The following FNBP1 variants were observed in gnomAD, a reference collection of about 807,000 sequenced individuals.
FNBP1 encodes the protein formin binding protein 1, also known as formin-binding protein 1.
Under a neutral mutation model 90.6 loss-of-function variants are expected in FNBP1, and 26 were observed. The ratio of observed to expected loss-of-function variants is 0.29; its 90% CI spans 0.21 to 0.40. The LOEUF is 0.40. Ranked by LOEUF, FNBP1 falls within the 10% of genes least tolerant of loss-of-function variation. The pLI, the probability that FNBP1 is intolerant of heterozygous loss-of-function variation, is 1.00. For synonymous variants in FNBP1, 260 were observed against 265.2 expected, an observed-to-expected ratio of 0.98 and a Z score of 0.19; for missense variants, 635 against 768.0, an observed-to-expected ratio of 0.83 and a Z score of 2.05.
chr9:130,039,716 G>A (rs1419164525), intron 1 of FNBP1, among the ~76,000 whole-genome samples: 1 of 151,526 alleles, frequency 6.6e-6, no homozygotes, highest in Non-Finnish European at 1.5e-5. Context: ...CTATGGAGGG[G>A]TTAAAGAAAA....
intron 10 of FNBP1, among the ~76,000 whole-genome samples, chr9:129,916,871 C>T (rs1355566799): frequency 6.6e-6 from 1 of 152,174 alleles, no homozygotes; most frequent in Non-Finnish European, 1.5e-5. Flanking sequence ...CCCAGAATGC[C>T]TCTCGCAGCC....
chr9:130,027,263 G>A (rs1398442104), intron 1 of FNBP1, among the ~76,000 whole-genome samples: 1 of 152,112 alleles, frequency 6.6e-6, no homozygotes, highest in Non-Finnish European at 1.5e-5. Flanking sequence ...TATGGAGTTT[G>A]CATTATGAAG....
chr9:129,892,303 A>G (rs770691142), intron 16 of FNBP1, among the ~76,000 whole-genome samples: 7 of 151,796 alleles, frequency 4.6e-5, no homozygotes, highest in Non-Finnish European at 8.8e-5. Flanking sequence ...TCACAATCCA[A>G]TTGACCCACC....
At chr9:130,027,243 A>C (rs1047915383) in intron 1 of FNBP1, among the ~76,000 whole-genome samples, 1 of 152,214 alleles carries the variant, frequency 6.6e-6, no homozygotes, top group East Asian at 1.9e-4. Context: ...GAACCTTAGA[A>C]AAAACTGTTT....
chr9:129,967,414 GCT>G (rs1325668210), intron 4 of FNBP1, among the ~76,000 whole-genome samples: 3 of 152,224 alleles, frequency 2.0e-5, no homozygotes, highest in Admixed American at 6.5e-5. Context: ...TACTTGGGAG[GCT>G]GAGGCAGGAG....
In FNBP1 at chr9:129,923,984, G is replaced by C; in HGVS notation, c.1030C>G (p.Pro344Ala). ...GCAGAGGGTGAGGCAGAGGCAGGAG[G>C]GGGAGGGGGAGGCTGATGGGGGGAT... ...LTSPHQPPPP[P>A]PASASPSAVP... Residue 344 changes from proline (P) to alanine (A), a missense_variant, in exon 10 of 17, where the codon CCT (proline) becomes GCT (alanine). Pro to Ala is a conservative substitution (Grantham distance 27). Coordinates refer to ENST00000446176, the MANE Select transcript of FNBP1 (RefSeq NM_015033.3). The C allele has an allele frequency of 6.5e-6, 10 of 1,528,880 alleles. No individual in the cohort carries two copies. Among genetic ancestry groups the C allele is most frequent in the South Asian group, 3.7e-5 (3 of 82,182 alleles). The allele number at this position is 1,528,880 out of a possible 1,614,324, so 94.7% of individuals were successfully genotyped here. A position where few individuals can be genotyped will look rare whatever the true frequency, so the allele number is the denominator to read the frequency against.
At chr9:129,892,539 G>C (rs1739262785) in intron 16 of FNBP1, among the ~76,000 whole-genome samples, 1 of 152,142 alleles carries the variant, frequency 6.6e-6, no homozygotes, top group Non-Finnish European at 1.5e-5. Context: ...AAGTTGGACA[G>C]AGTTATAAAC....
At chr9:129,941,350 T>C (rs11790812) in intron 6 of FNBP1, among the ~76,000 whole-genome samples, 23 of 152,146 alleles carry the variant, frequency 1.5e-4, no homozygotes, top group African/African-American at 3.4e-4. Context: ...GACTGCGTCA[T>C]TGCACTCCAG....
rs78448511 is a variant in FNBP1, at chr9:129,910,067, A to G, written c.1186-1068T>C. ...AGCAGCTGCTCTCTTTACACTGTGC[A>G]TGAGCTTTAAGGAGAAAGTATCAAC... On this transcript the variant is annotated intron_variant, in intron 11 of 16. Transcript: ENST00000446176. The G allele has an allele frequency of 3.6e-3, 1,633 of 454,384 alleles. 25 individuals are homozygous for G. Among genetic ancestry groups the G allele is most frequent in the African/African-American group, 0.03 (1,498 of 50,140 alleles). 28.1% of individuals were successfully genotyped at this position (454,384 alleles called of 1,614,324 possible). A position where few individuals can be genotyped will look rare whatever the true frequency, so the allele number is the denominator to read the frequency against.
chr9:129,943,808 C>T lies in FNBP1; in HGVS notation c.513+13552G>A, dbSNP rs1028994281. Reference sequence around the variant, plus strand: ...GAGATCGAGAACATCCTGGCTAAGACGGTGAAACCCTGTCTCTACTAAAAA... The same window carrying T: ...GAGATCGAGAACATCCTGGCTAAGATGGTGAAACCCTGTCTCTACTAAAAA... On this transcript the variant is annotated intron_variant, in intron 6 of 16. Transcript: ENST00000446176. 9.3e-5 allele frequency among the ~76,000 whole-genome samples: 14 copies of T among 151,154 alleles called. No homozygotes were observed. In the East Asian group the frequency reaches 2.2e-3, roughly 24 times the overall value.
At chr9:129,894,173 A>C (rs189601304) in intron 16 of FNBP1, among the ~76,000 whole-genome samples, 125 of 152,174 alleles carry the variant, frequency 8.2e-4, no homozygotes, top group African/African-American at 2.9e-3. Context: ...TTTCAAAATC[A>C]AATAAAAAGA....
intron 1 of FNBP1, among the ~76,000 whole-genome samples, chr9:130,005,341 A>ATTTTT (rs35530412): frequency 1.8e-5 from 2 of 108,528 alleles, no homozygotes; most frequent in African/African-American, 6.9e-5. Context: ...ACAAATTGAG[A>ATTTTT]TTTTTTTTTT....
chr9:130,035,216 T>C (rs998116392), intron 1 of FNBP1, among the ~76,000 whole-genome samples: 5 of 152,292 alleles, frequency 3.3e-5, no homozygotes, highest in East Asian at 3.9e-4. Context: ...ACCTCATCTT[T>C]TGAGTCGAGG....
intron 2 of FNBP1, among the ~76,000 whole-genome samples, chr9:129,989,549 C>T (rs2052796136): frequency 6.6e-6 from 1 of 152,142 alleles, no homozygotes; most frequent in African/African-American, 2.4e-5. Flanking sequence ...GTGAGCACAA[C>T]CCAAAGATCT....
At position 129,924,263 on chromosome 9, in the gene FNBP1, G is replaced by A. The variant is rs571665041; in HGVS notation, c.988-237C>T. 5.3e-5 allele frequency among the ~76,000 whole-genome samples: 8 copies of A among 152,284 alleles called. 1 individual carries two copies. The highest frequency in any genetic ancestry group is 1.3e-4 in the Admixed American group (2 of 15,286). On this transcript the variant is annotated intron_variant, in intron 9 of 16. Coordinates refer to ENST00000446176, the MANE Select transcript of FNBP1 (RefSeq NM_015033.3). ...GCAAGAAATATCTGACAAGAAGCTC[G>A]TGCAGACTTTCCCATGCAAACTATA...
upstream of FNBP1, among the ~76,000 whole-genome samples, chr9:130,048,057 C>T (rs563975717): frequency 4.6e-5 from 7 of 151,988 alleles, no homozygotes; most frequent in African/African-American, 9.6e-5. Flanking sequence ...CAGTGGCTCA[C>T]GCCTGTAATC....
chr9:129,927,121 C>A, intron 8 of FNBP1, 74 bp downstream of exon 8: 1 of 1,498,880 alleles, frequency 6.7e-7, no homozygotes, highest in South Asian at 1.2e-5. Flanking sequence ...GACATGAGGT[C>A]AAATGGAAAG....
chr9:130,036,860 A>G lies in FNBP1; in HGVS notation c.24+6092T>C, dbSNP rs185562006. Among the ~76,000 whole-genome samples, 146 of 152,116 alleles carry G rather than the reference A, an allele frequency of 9.6e-4. 1 individual carries two copies. In the East Asian group the frequency reaches 0.028, roughly 29 times the overall value. ...GGAGATCGAGACCATCCTGGCTAACAAGGTGAAACCCCATCTCTACTAAAA... is the reference window on the plus strand; with the variant it reads ...GGAGATCGAGACCATCCTGGCTAACGAGGTGAAACCCCATCTCTACTAAAA... On this transcript the variant is annotated intron_variant, in intron 1 of 16. Transcript: ENST00000446176.
intron 2 of FNBP1, among the ~76,000 whole-genome samples, chr9:129,993,155 A>G (rs2053467440): frequency 6.8e-6 from 1 of 147,526 alleles, no homozygotes; most frequent in East Asian, 2.1e-4. Flanking sequence ...TGAACCTGGG[A>G]GGCGGAGATT....
Sources: gnomAD v4.1 joint callset for allele counts (sites outside exome capture counted in the v4.1 genomes callset) on GRCh38, gnomAD v4.1.1 for gene constraint, MANE v1.5 for transcripts, NCBI Gene and HGNC (gene_info 2026-07-23, HGNC 2026-07-21) for gene names.